Variants in DMXL1 observed in about 807,000 individuals in gnomAD.
DMXL1 encodes the protein dmX-like protein 1.
A neutral mutation model predicts 319.2 loss-of-function variants in DMXL1; 99 were observed. The ratio of observed to expected loss-of-function variants is 0.31; its 90% confidence interval spans 0.26 to 0.37. The LOEUF (loss-of-function observed/expected upper bound fraction) is 0.37. DMXL1 is among the 10% of genes least tolerant of loss of function. The pLI, the probability that DMXL1 is intolerant of heterozygous loss-of-function variation, is 1.00. For synonymous variants in DMXL1, 1,385 were observed against 1,235.2 expected, an observed-to-expected ratio of 1.12 and a Z score of -2.54; for missense variants, 3,745 against 3,595.6, an observed-to-expected ratio of 1.04 and a Z score of -1.06.
chr5:119,208,020 C>A (rs1782056820), intron 34 of DMXL1, among the ~76,000 whole-genome samples: 1 of 151,770 alleles, frequency 6.6e-6, no homozygotes. Flanking sequence ...AATTAAAAAG[C>A]CTGATTTGAT....
intron 38 of DMXL1, among the ~76,000 whole-genome samples, chr5:119,226,572 C>T (rs1785608392): frequency 6.6e-6 from 1 of 152,178 alleles, no homozygotes; most frequent in African/African-American, 2.4e-5. Context: ...CCATTCTCCA[C>T]CTCTCCAAGT....
chr5:119,219,734 AT>A (rs1784332835), intron 35 of DMXL1, among the ~76,000 whole-genome samples: 1 of 151,760 alleles, frequency 6.6e-6, no homozygotes. Flanking sequence ...TGCCCAACTA[AT>A]TTTTGTATTT....
chr5:119,166,274 A>G (rs1239439310), intron 21 of DMXL1, among the ~76,000 whole-genome samples: 1 of 152,196 alleles, frequency 6.6e-6, no homozygotes. Context: ...CTCTTAGGTC[A>G]TTCTCAGATG....
At chr5:119,183,484 T>G (rs988686092) in intron 28 of DMXL1, among the ~76,000 whole-genome samples, 15 of 152,256 alleles carry the variant, frequency 9.9e-5, no homozygotes, top group African/African-American at 3.6e-4. Context: ...CCTTTTCTTT[T>G]CTTTGTGAGG....
At position 119,071,746 on chromosome 5, in the gene DMXL1, C is replaced by T. The variant is rs1183132060; in HGVS notation, c.87+90C>T. On this transcript the variant is annotated intron_variant, in intron 1 of 43. Coordinates refer to ENST00000539542, the MANE Select transcript of DMXL1 (RefSeq NM_001290321.3). The stretch of plus-strand genomic sequence containing the variant: ...TGGCCCAGAACGACGGGCAGAGGCG[C>T]GAGGTCTTGTCTCCCCAGGGGGGTC... The T allele has an allele frequency of 3.2e-6, 4 of 1,257,126 alleles. No individual in the cohort carries two copies. The South Asian group carries it at 4.4e-5, about 14-fold the overall frequency. The allele number at this position is 1,257,126 out of a possible 1,614,324, so 77.9% of individuals were successfully genotyped here.
chr5:119,147,244 T>C lies in DMXL1; in HGVS notation c.2690-5T>C. On this transcript the variant is annotated splice_region_variant and splice_polypyrimidine_tract_variant and intron_variant, in intron 16 of 43. Transcript: ENST00000539542. ...AGTTTTTGGTTCTTTTCTTATGTTT[T>C]GTAGATGAAAAAGTAGATACAAAAT... The C allele has an allele frequency of 6.2e-7, 1 of 1,610,062 alleles. No homozygotes were observed. The highest frequency in any genetic ancestry group is 8.5e-7 in the Non-Finnish European group (1 of 1,177,468).
At position 119,149,639 on chromosome 5, in the gene DMXL1, C is replaced by G. The variant is rs1769330001; in HGVS notation, c.3812C>G (p.Ser1271Cys). ...SITSLIKQSN[S>C]SSGLHPPKKT... is the part of the protein sequence containing the mutation. ...ACAAGTTTAATAAAACAGAGTAACT[C>G]CAGTTCTGGGTTACATCCTCCAAAG... The change falls in exon 18 of 44, where the codon TCC becomes TGC. Residue 1271 changes from serine to cysteine, a missense_variant. Transcript: ENST00000539542. 1 of 1,613,874 alleles carries G rather than the reference C, an allele frequency of 6.2e-7. No homozygotes were observed. The highest frequency in any genetic ancestry group is 8.5e-7 in the Non-Finnish European group (1 of 1,179,902).
intron 2 of DMXL1, 138 bp downstream of exon 2, chr5:119,098,242 G>A: frequency 2.3e-6 from 2 of 863,588 alleles, no homozygotes; most frequent in Non-Finnish European, 3.5e-6. Context: ...ATTTTTGGCT[G>A]TCTAAGATGC....
intron 1 of DMXL1, among the ~76,000 whole-genome samples, chr5:119,078,197 C>T (rs1473241383): frequency 6.6e-6 from 1 of 152,142 alleles, no homozygotes; most frequent in Non-Finnish European, 1.5e-5. Flanking sequence ...CAGGGCTAGT[C>T]TGGAACTTCT....
chr5:119,093,609 A>G (rs1037435247), intron 1 of DMXL1, among the ~76,000 whole-genome samples: 3 of 152,224 alleles, frequency 2.0e-5, no homozygotes, highest in Admixed American at 6.5e-5. Flanking sequence ...TCAGAAAGGA[A>G]GAGTTACACA....
intron 31 of DMXL1, 108 bp from the exon 32 acceptor site, chr5:119,197,647 T>G (rs1344680382): frequency 5.3e-6 from 5 of 950,132 alleles, no homozygotes; most frequent in Non-Finnish European, 7.8e-6. Flanking sequence ...ATCTCAGTCT[T>G]TTTTTTTTTC....
chr5:119,114,943 T>G (rs1760509905), intron 6 of DMXL1, among the ~76,000 whole-genome samples: 1 of 152,180 alleles, frequency 6.6e-6, no homozygotes, highest in Admixed American at 6.5e-5. Flanking sequence ...GCTGAGATTA[T>G]AGGCGTGAGC....
In DMXL1 at chr5:119,129,397, A is replaced by C; in HGVS notation, c.1289A>C (p.Asn430Thr). Residue 430 changes from asparagine to threonine, a missense_variant, in exon 10 of 44, where the codon AAT becomes ACT. Around this residue, in one of 4 missense-constraint regions of DMXL1, gnomAD observed 2,096 missense variants for 1,985.4 expected, o/e 1.06. Coordinates refer to ENST00000539542, the MANE Select transcript of DMXL1 (RefSeq NM_001290321.3). ...TCTGAGGCCAGTGTAGAAGATTCTA[A>C]TCAGGCAGATGTAAAATCTGATGAA... is the stretch of plus-strand genomic sequence containing the variant. ...PSSEASVEDS[N>T]QADVKSDEET... 1 of 1,610,656 alleles carries C rather than the reference A, an allele frequency of 6.2e-7. No individual in the cohort carries two copies. Among genetic ancestry groups the C allele is most frequent in the Non-Finnish European group, 8.5e-7 (1 of 1,179,068 alleles).
intron 37 of DMXL1, among the ~76,000 whole-genome samples, chr5:119,222,253 G>A (rs1483552631): frequency 6.6e-6 from 1 of 152,102 alleles, no homozygotes; most frequent in Non-Finnish European, 1.5e-5. Context: ...AGGTCAAGTG[G>A]ATCAACTTAT....
intron 41 of DMXL1, 25 bp from the exon 42 acceptor site, chr5:119,240,394 A>T: frequency 6.5e-7 from 1 of 1,534,450 alleles, no homozygotes; most frequent in Non-Finnish European, 8.9e-7. Context: ...TGTCACTCAG[A>T]AGTAATCTTT....
Position 119,196,510 on chromosome 5 carries a change from C to A in DMXL1, c.7543+54C>A, listed in dbSNP as rs558399951. On this transcript the variant is annotated intron_variant, in intron 31 of 43. Coordinates refer to ENST00000539542, the MANE Select transcript of DMXL1 (RefSeq NM_001290321.3). ...GTGCCATTGCTTTTGACTTACTACT[C>A]TGTTGTTTTTTTTTTTTTTTTTTTG... is the stretch of plus-strand genomic sequence containing the variant. 2.3e-5 allele frequency: 21 copies of A among 911,112 alleles called. No individual in the cohort carries two copies. In the East Asian group the frequency reaches 4.8e-4, roughly 21 times the overall value. The allele number at this position is 911,112 out of a possible 1,614,324, so 56.4% of individuals were successfully genotyped here.
intron 4 of DMXL1, among the ~76,000 whole-genome samples, chr5:119,106,442 T>C (rs528509345): frequency 4.6e-5 from 7 of 152,052 alleles, no homozygotes; most frequent in Middle Eastern, 3.4e-3. Flanking sequence ...TCTACGAAAG[T>C]GAGGGAAGGC....
chr5:119,226,394 A>C (rs898537148), intron 38 of DMXL1, among the ~76,000 whole-genome samples: 3 of 152,234 alleles, frequency 2.0e-5, no homozygotes, highest in African/African-American at 7.2e-5. Context: ...AGATACCTCA[A>C]GATAGCTGTT....
rs1206384387 is a variant in DMXL1 at position 119,197,807 on chromosome 5, T to C, written c.7596T>C (p.Cys2532=). The C allele has an allele frequency of 2.5e-6, 4 of 1,614,200 alleles. No individual in the cohort carries two copies. The highest frequency in any genetic ancestry group is 3.3e-5 in the Admixed American group (2 of 60,028). ...ATGCGGTTCTAAAAACTCTTCAATG[T>C]TGGGAACAAGTTCTTCTCCGACGAC... The part of the protein sequence containing the change: ...LCHAVLKTLQ[C]WEQVLLRRLE... Residue 2532 remains cysteine, a synonymous_variant, in exon 32 of 44, where the codon TGT becomes TGC. Coordinates refer to ENST00000539542, the MANE Select transcript of DMXL1 (RefSeq NM_001290321.3).
Sources: allele counts gnomAD v4.1 joint callset (sites outside exome capture counted in the v4.1 genomes callset), GRCh38; gene constraint gnomAD v4.1.1; regional missense constraint gnomAD v4.1.1; transcripts MANE v1.5; gene names NCBI Gene and HGNC (gene_info 2026-07-23, HGNC 2026-07-21).